IMMP2L: variants seen among roughly 807,000 people sequenced by gnomAD.
IMMP2L encodes inner mitochondrial membrane peptidase subunit 2.
A neutral mutation model predicts 19.3 loss-of-function variants in IMMP2L; 18 were observed. That is an observed-to-expected ratio of 0.93 (90% confidence interval 0.64 to 1.38). The LOEUF (loss-of-function observed/expected upper bound fraction) is 1.38, where lower values mean the gene tolerates loss of function less well. Ranked by LOEUF, IMMP2L falls within the 40% of genes most tolerant of loss-of-function variation. The pLI, the probability that IMMP2L is intolerant of heterozygous loss-of-function variation, is 0.00. For missense variants in IMMP2L, 233 were observed against 218.2 expected (o/e 1.07, Z -0.43); for synonymous variants, 76 against 73.0 (o/e 1.04, Z -0.21).
At chr7:111,125,022 G>A in intron 3 of IMMP2L, 4 of 747,860 alleles carry the variant, frequency 5.3e-6, no homozygotes, top group Non-Finnish European at 8.4e-6. Context: ...TTACTTTCGA[G>A]AGAGAAGTTT....
chr7:110,956,924 G>T (rs555951803), intron 4 of IMMP2L, among the ~76,000 whole-genome samples: 1 of 151,882 alleles, frequency 6.6e-6, no homozygotes, highest in African/African-American at 2.4e-5. Flanking sequence ...TCATTTTATG[G>T]TTTTCTAAAA....
At chr7:111,442,987 C>G (rs1051596824) in intron 3 of IMMP2L, among the ~76,000 whole-genome samples, 9 of 151,938 alleles carry the variant, frequency 5.9e-5, no homozygotes, top group Non-Finnish European at 1.2e-4. Context: ...ATACAACCAT[C>G]TAGAATCTCT....
Position 110,963,518 on chromosome 7 carries a change from A to G in IMMP2L, c.287T>C (p.Leu96Pro), listed in dbSNP as rs1424087062. The G allele has an allele frequency of 1.2e-6, 2 of 1,603,362 alleles. No homozygotes were observed. Among genetic ancestry groups the G allele is most frequent in the Admixed American group, 3.4e-5 (2 of 59,414 alleles). Residue 96 changes from leucine to proline, a missense_variant, in exon 4 of 6, where the codon CTT (leucine) becomes CCT (proline). By Grantham distance (98) the Leu-to-Pro change is moderately conservative (BLOSUM62 -3). Coordinates refer to ENST00000405709, the MANE Select transcript of IMMP2L (RefSeq NM_032549.4). Reference protein sequence around the residue: ...EQKIIKRVIALEGDIVRTIGH... With the variant: ...EQKIIKRVIAPEGDIVRTIGH... ...TACTTACCTGACAATATCTCCTTCA[A>G]GAGCAATCACTCTCTTAATGATCTT...
chr7:111,406,611 T>C (rs1477927484), intron 3 of IMMP2L, among the ~76,000 whole-genome samples: 1 of 152,068 alleles, frequency 6.6e-6, no homozygotes, highest in Non-Finnish European at 1.5e-5. Flanking sequence ...GATCTTTGCA[T>C]TTGCTCTTCT....
chr7:111,278,669 A>G (rs1819371150), intron 3 of IMMP2L, among the ~76,000 whole-genome samples: 2 of 152,314 alleles, frequency 1.3e-5, no homozygotes, highest in South Asian at 4.1e-4. Context: ...TTAAGCCCTG[A>G]AAGTGAGAAA....
chr7:110,871,336 A>G (rs1441576423), intron 5 of IMMP2L, among the ~76,000 whole-genome samples: 1 of 152,104 alleles, frequency 6.6e-6, no homozygotes, highest in African/African-American at 2.4e-5. Flanking sequence ...CAATTTTCTT[A>G]GGGAGGGTTT....
chr7:111,209,996 G>T (rs1013989672), intron 3 of IMMP2L, among the ~76,000 whole-genome samples: 9 of 152,144 alleles, frequency 5.9e-5, no homozygotes, highest in African/African-American at 2.2e-4. Context: ...TCCAAGCAAG[G>T]TGTTCTTTGC....
intron 3 of IMMP2L, among the ~76,000 whole-genome samples, chr7:111,299,056 A>G (rs764691935): frequency 2.0e-5 from 3 of 152,174 alleles, no homozygotes; most frequent in Non-Finnish European, 4.4e-5. Flanking sequence ...ACAAGCCTAC[A>G]TACCTCACTA....
At chr7:110,931,963 T>C (rs1379671010) in intron 4 of IMMP2L, among the ~76,000 whole-genome samples, 1 of 152,156 alleles carries the variant, frequency 6.6e-6, no homozygotes. Flanking sequence ...ATCTTTCTTC[T>C]ACTCCTTTCT....
chr7:111,012,061 T>G (rs573523143), intron 3 of IMMP2L, among the ~76,000 whole-genome samples: 1 of 152,216 alleles, frequency 6.6e-6, no homozygotes, highest in African/African-American at 2.4e-5. Flanking sequence ...TAACAGATAT[T>G]TATGGAGTTC....
rs372679299 is a variant in IMMP2L at position 111,520,593 on chromosome 7, T to A, written c.135+720A>T. On this transcript the variant is annotated intron_variant, in intron 2 of 5. Coordinates refer to ENST00000405709, the MANE Select transcript of IMMP2L (RefSeq NM_032549.4). ...TTAGAAGCTTATATATTCATTTTAG[T>A]TATTTGTTTTATACAACTATTTACC... Among the ~76,000 whole-genome samples the A allele has an allele frequency of 3.0e-4, 46 of 152,246 alleles. 2 individuals are homozygous for A. Among genetic ancestry groups the A allele is most frequent in the East Asian group, 1.4e-3 (7 of 5,178 alleles).
At chr7:110,768,369 G>A (rs545943852) in intron 5 of IMMP2L, among the ~76,000 whole-genome samples, 51 of 151,858 alleles carry the variant, frequency 3.4e-4, no homozygotes, top group Non-Finnish European at 6.5e-4. Context: ...GATAAGAAGC[G>A]GCCAGATGCA....
At chr7:111,082,070 A>G (rs1204047289) in intron 3 of IMMP2L, among the ~76,000 whole-genome samples, 1 of 152,210 alleles carries the variant, frequency 6.6e-6, no homozygotes, top group Non-Finnish European at 1.5e-5. Flanking sequence ...AGTTTGCAGT[A>G]GCCATTCTGA....
intron 3 of IMMP2L, among the ~76,000 whole-genome samples, chr7:110,966,392 C>T (rs1819546561): frequency 6.6e-6 from 1 of 151,908 alleles, no homozygotes; most frequent in African/African-American, 2.4e-5. Flanking sequence ...AGACATGCTC[C>T]AAGATAGAGG....
chr7:111,435,023 T>C (rs1837011796), intron 3 of IMMP2L, among the ~76,000 whole-genome samples: 1 of 151,996 alleles, frequency 6.6e-6, no homozygotes, highest in Non-Finnish European at 1.5e-5. Flanking sequence ...CTATTAAAAA[T>C]CCTAAAAACA....
At chr7:111,354,383 A>G (rs1335526954) in intron 3 of IMMP2L, among the ~76,000 whole-genome samples, 1 of 151,948 alleles carries the variant, frequency 6.6e-6, no homozygotes, top group Admixed American at 6.6e-5. Flanking sequence ...ATTTCCACCT[A>G]AGGTAAACAA....
chr7:111,165,426 G>A (rs1158985959), intron 3 of IMMP2L, among the ~76,000 whole-genome samples: 1 of 151,720 alleles, frequency 6.6e-6, no homozygotes, highest in East Asian at 1.9e-4. Context: ...CAATTCTTTT[G>A]GATAAATTAC....
chr7:111,066,711 C>A (rs780659491), intron 3 of IMMP2L, among the ~76,000 whole-genome samples: 6 of 152,162 alleles, frequency 3.9e-5, no homozygotes, highest in African/African-American at 1.2e-4. Flanking sequence ...TTGTCCTTGG[C>A]TTCTGATGGG....
intron 2 of IMMP2L, among the ~76,000 whole-genome samples, chr7:111,498,227 T>C (rs1050945428): frequency 7.9e-5 from 12 of 152,130 alleles, no homozygotes; most frequent in Admixed American, 7.2e-4. Flanking sequence ...TACCATTAAA[T>C]ACGTGCATTG....
Sources: allele counts gnomAD v4.1 joint callset (sites outside exome capture counted in the v4.1 genomes callset), GRCh38; gene constraint gnomAD v4.1.1; transcripts MANE v1.5; gene names NCBI Gene and HGNC (gene_info 2026-07-23, HGNC 2026-07-21).